Variants in WWP2 observed in about 807,000 individuals in gnomAD.
WWP2 encodes the protein WW domain containing E3 ubiquitin protein ligase 2.
A neutral mutation model predicts 121.0 loss-of-function variants in WWP2; 57 were observed. The ratio of observed to expected loss-of-function variants is 0.47; its 90% CI spans 0.38 to 0.59. The LOEUF is 0.59. Among genes scored for constraint, WWP2 ranks in the 20% least tolerant of loss-of-function variants. The pLI, the probability that WWP2 is intolerant of heterozygous loss-of-function variation, is 0.00. For missense variants in WWP2, 962 were observed against 1,158.9 expected (o/e 0.83, Z 2.47); for synonymous variants, 449 against 441.3 (o/e 1.02, Z -0.22).
intron 8 of WWP2, among the ~76,000 whole-genome samples, chr16:69,906,964 AT>A (rs1247071809): frequency 2.6e-5 from 4 of 152,252 alleles, no homozygotes; most frequent in African/African-American, 9.6e-5. Context: ...AATACTAAAA[AT>A]ATTTGTCAAT....
At chr16:69,810,772 T>TTTTA (rs2056376554) in intron 4 of WWP2, among the ~76,000 whole-genome samples, 1 of 150,092 alleles carries the variant, frequency 6.7e-6, no homozygotes, top group African/African-American at 2.5e-5. Flanking sequence ...TTTTTTTTTT[T>TTTTA]GAGACGGAGT....
chr16:69,857,135 ACT>A (rs1567383902), intron 6 of WWP2, among the ~76,000 whole-genome samples: 1 of 151,540 alleles, frequency 6.6e-6, no homozygotes, highest in African/African-American at 2.4e-5. Flanking sequence ...ACAGAGTCTC[ACT>A]CTGTCGCTCA....
Position 69,925,591 on chromosome 16 carries a change from T to A in WWP2, c.1234+107T>A. 7.2e-7 allele frequency: 1 copy of A among 1,391,080 alleles called. No homozygotes were observed. Among genetic ancestry groups the A allele is most frequent in the Non-Finnish European group, 9.8e-7 (1 of 1,020,272 alleles). 86.2% of individuals were successfully genotyped at this position (1,391,080 alleles called of 1,614,324 possible). A position where few individuals can be genotyped will look rare whatever the true frequency, so the allele number is the denominator to read the frequency against. ...CCTGTTCCTGTCCCTCTGTTTTCCA[T>A]CTCTCCCCTCTCCAGCACACTCTCT... On this transcript the variant is annotated intron_variant, in intron 11 of 23. Transcript: ENST00000359154. The surrounding 1 kb of genome is among the most constrained non-coding windows in gnomAD (Gnocchi z 4.0).
At chr16:69,862,252 A>G (rs910408924) in intron 6 of WWP2, among the ~76,000 whole-genome samples, 3 of 152,010 alleles carry the variant, frequency 2.0e-5, no homozygotes, top group East Asian at 1.9e-4. Flanking sequence ...TTTAGTAGAC[A>G]CGGGATTTCT....
chr16:69,805,591 T>C (rs748064420), intron 4 of WWP2, among the ~76,000 whole-genome samples: 4 of 151,498 alleles, frequency 2.6e-5, no homozygotes, highest in Non-Finnish European at 5.9e-5. Flanking sequence ...TCATTGCAGG[T>C]TAAAAAAAAA....
In WWP2 at chr16:69,871,877, C is replaced by T. The variant is rs760710036; in HGVS notation, c.649C>T (p.Arg217Trp). 1.1e-5 allele frequency: 17 copies of T among 1,614,058 alleles called. No homozygotes were observed. Among genetic ancestry groups the T allele is most frequent in the South Asian group, 2.2e-5 (2 of 91,082 alleles). Reference sequence around the variant, plus strand: ...CGAGCAAAGCCCCGGTGCTCGGAGCCGGCACCGCCAGCCCGTCAAGAACTC... The same window carrying T: ...CGAGCAAAGCCCCGGTGCTCGGAGCTGGCACCGCCAGCCCGTCAAGAACTC... ...TGEQSPGARS[R>W]HRQPVKNSGH... Residue 217 changes from arginine (R) to tryptophan (W), a missense_variant, in exon 7 of 24, where the codon CGG (arginine) becomes TGG (tryptophan). Physicochemically the swap from Arg to Trp is moderately radical, Grantham distance 101 (BLOSUM62 -3). Transcript: ENST00000359154.
chr16:69,840,017 G>A (rs2056945876), intron 4 of WWP2, 109 bp from the exon 5 acceptor site: 1 of 1,477,366 alleles, frequency 6.8e-7, no homozygotes, highest in Non-Finnish European at 9.3e-7. Flanking sequence ...TGTGGAGAAA[G>A]CATTCCCAGA....
In WWP2 at chr16:69,835,986, A is replaced by G. The variant is rs1175970475; in HGVS notation, c.341-4140A>G. On this transcript the variant is annotated intron_variant, in intron 4 of 23. Transcript: ENST00000359154. Reference sequence around the variant, plus strand: ...CCTGGATAATTTTTGTATTTTTAGTAAAGATGGGGTTTCACCATGTTGGCC... The same window carrying G: ...CCTGGATAATTTTTGTATTTTTAGTGAAGATGGGGTTTCACCATGTTGGCC... 2.6e-5 allele frequency among the ~76,000 whole-genome samples: 4 copies of G among 152,104 alleles called. No homozygotes were observed. The East Asian group carries it at 7.7e-4, about 29-fold the overall frequency.
rs1455636044 is a variant in WWP2 at position 69,921,934 on chromosome 16, C to T, written c.1180-3496C>T. On this transcript the variant is annotated intron_variant, in intron 10 of 23. Transcript: ENST00000359154. ...ACTAAAAATACAAAAATTAGCTGGG[C>T]GTGGTGGCGGGCACCTTTAGTCCCA... Among the ~76,000 whole-genome samples, 4 of 152,084 alleles carry T rather than the reference C, an allele frequency of 2.6e-5. No homozygotes were observed. In the South Asian group the frequency reaches 8.3e-4, roughly 32 times the overall value.
At chr16:69,818,522 G>A (rs1596994191) in intron 4 of WWP2, among the ~76,000 whole-genome samples, 1 of 152,080 alleles carries the variant, frequency 6.6e-6, no homozygotes, top group Admixed American at 6.6e-5. Context: ...TTCTTCTTGA[G>A]GAACCTCCAG....
At chr16:69,847,888 A>T (rs763543297) in intron 6 of WWP2, among the ~76,000 whole-genome samples, 22 of 152,088 alleles carry the variant, frequency 1.4e-4, no homozygotes, top group Non-Finnish European at 2.8e-4. Flanking sequence ...TTTGGTGGGG[A>T]CAAACTGCAT....
At chr16:69,882,039 C>G (rs939064211) in intron 7 of WWP2, among the ~76,000 whole-genome samples, 1 of 151,420 alleles carries the variant, frequency 6.6e-6, no homozygotes, top group Non-Finnish European at 1.5e-5. Flanking sequence ...AAGCTGGTCT[C>G]GAACTCCTGG....
intron 6 of WWP2, among the ~76,000 whole-genome samples, chr16:69,864,642 C>T (rs780249921): frequency 1.7e-4 from 25 of 150,858 alleles, no homozygotes; most frequent in Admixed American, 7.2e-4. Context: ...CTTGGCCTCT[C>T]GGGGTTCAAG....
chr16:69,803,376 CAT>C (rs1679558833), intron 4 of WWP2, among the ~76,000 whole-genome samples: 1 of 135,340 alleles, frequency 7.4e-6, no homozygotes, highest in South Asian at 2.1e-4. Context: ...ATAAAAAAAA[CAT>C]TATCTTACAC....
chr16:69,911,910 G>A (rs1040572335), intron 9 of WWP2, among the ~76,000 whole-genome samples: 10 of 152,270 alleles, frequency 6.6e-5, no homozygotes, highest in African/African-American at 2.2e-4. Context: ...GCAGGATGAG[G>A]AATCCACCAG....
At chr16:69,814,894 G>A (rs923091278) in intron 4 of WWP2, among the ~76,000 whole-genome samples, 3 of 152,074 alleles carry the variant, frequency 2.0e-5, no homozygotes, top group African/African-American at 7.2e-5. Flanking sequence ...CTGAACCTTG[G>A]AACTTGAGTC....
At chr16:69,933,173 G>A (rs760303995) in intron 16 of WWP2, 21 of 493,302 alleles carry the variant, frequency 4.3e-5, no homozygotes, top group Middle Eastern at 4.2e-4. Context: ...ACAGGATACC[G>A]GGGCACCCTC....
At chr16:69,836,781 A>AT (rs776891804) in intron 4 of WWP2, among the ~76,000 whole-genome samples, 8 of 151,780 alleles carry the variant, frequency 5.3e-5, no homozygotes, top group Non-Finnish European at 1.0e-4. Context: ...GACCTGGGTG[A>AT]TTTTTTGTAT....
rs947546390 is a variant in WWP2 at position 69,898,765 on chromosome 16, G to A, written c.915-9996G>A. Among the ~76,000 whole-genome samples the A allele has an allele frequency of 5.3e-5, 8 of 151,968 alleles. No individual in the cohort carries two copies. The South Asian group carries it at 8.3e-4, about 16-fold the overall frequency. Reference sequence around the variant, plus strand: ...GTTGCCCATGCTGGAGTGCAATGGCGCAATCTTGGCTCACTGCAACCTCTG... The same window carrying A: ...GTTGCCCATGCTGGAGTGCAATGGCACAATCTTGGCTCACTGCAACCTCTG... On this transcript the variant is annotated intron_variant, in intron 8 of 23. Transcript: ENST00000359154.
Sources: allele counts gnomAD v4.1 joint callset (sites outside exome capture counted in the v4.1 genomes callset), GRCh38; gene constraint gnomAD v4.1.1; non-coding constraint Gnocchi (gnomAD v3.1); transcripts MANE v1.5; gene names NCBI Gene and HGNC (gene_info 2026-07-23, HGNC 2026-07-21).